The following ZMIZ1 variants were observed in gnomAD, a reference collection of about 807,000 sequenced individuals.
ZMIZ1 encodes zinc finger MIZ domain-containing protein 1.
ZMIZ1 carries 17 observed loss-of-function variants against 113.9 expected under a neutral mutation model. The ratio of observed to expected loss-of-function variants is 0.15; its 90% CI spans 0.10 to 0.22. ZMIZ1 has a LOEUF of 0.22. Among genes scored for constraint, ZMIZ1 ranks in the 10% least tolerant of loss-of-function variants. ZMIZ1 has a pLI of 1.00. For synonymous variants in ZMIZ1, 607 were observed against 603.1 expected, an observed-to-expected ratio of 1.01 and a Z score of -0.09; for missense variants, 1,059 against 1,477.8, an observed-to-expected ratio of 0.72 and a Z score of 4.65.
chr10:79,154,114 G>T (rs1224618206), intron 3 of ZMIZ1, among the ~76,000 whole-genome samples: 2 of 152,204 alleles, frequency 1.3e-5, no homozygotes, highest in African/African-American at 4.8e-5. Flanking sequence ...CCCCAGATGA[G>T]GAAACAGACT....
intron 1 of ZMIZ1, among the ~76,000 whole-genome samples, chr10:79,084,637 C>A (rs1842753367): frequency 6.6e-6 from 1 of 152,214 alleles, no homozygotes. Flanking sequence ...TCTGCTCTAA[C>A]GTTCTGTATC....
chr10:79,128,071 A>G lies in ZMIZ1; in HGVS notation c.-227+9047A>G, dbSNP rs574763426. ...GGAGGCATTGCATGCTCAGCTTCTG[A>G]GTCTAAAGAGGGGTCTCTGCAAGAC... On this transcript the variant is annotated intron_variant, in intron 2 of 24. Transcript: ENST00000334512. 9.9e-5 allele frequency among the ~76,000 whole-genome samples: 15 copies of G among 152,214 alleles called. No homozygotes were observed. The East Asian group carries it at 2.9e-3, about 29-fold the overall frequency.
At position 79,138,971 on chromosome 10, in the gene ZMIZ1, G is replaced by C. The variant is rs537172289; in HGVS notation, c.-226-711G>C. Among the ~76,000 whole-genome samples the C allele has an allele frequency of 2.6e-5, 4 of 152,290 alleles. No homozygotes were observed. In the South Asian group the frequency reaches 8.3e-4, roughly 32 times the overall value. On this transcript the variant is annotated intron_variant, in intron 2 of 24. Coordinates refer to ENST00000334512, the MANE Select transcript of ZMIZ1 (RefSeq NM_020338.4). ...CAGCTCAGACCAAGAATCCTAAAGA[G>C]CGTGGAGGAAGAGCTGAAGTTTGGG...
Position 79,299,100 on chromosome 10 carries a change from G to C in ZMIZ1, c.1717G>C (p.Val573Leu), listed in dbSNP as rs372665722. ...CACATTCCCTGTGCGGGATGGCGTG[G>C]TGCTGGAGCCCTTCCGCCTGGAGCA... Reference protein sequence around the residue: ...RLTFPVRDGVVLEPFRLEHNL... With the variant: ...RLTFPVRDGVLLEPFRLEHNL... The change falls in exon 16 of 25, where the codon GTG becomes CTG. Residue 573 changes from valine to leucine, a missense_variant. Transcript: ENST00000334512. 4.0e-5 allele frequency: 64 copies of C among 1,612,604 alleles called. No individual in the cohort carries two copies. Among genetic ancestry groups the C allele is most frequent in the Non-Finnish European group, 1.6e-5 (19 of 1,179,902 alleles).
Position 79,201,688 on chromosome 10 carries a change from A to G in ZMIZ1, c.56A>G (p.Lys19Arg). The G allele has an allele frequency of 6.2e-7, 1 of 1,613,166 alleles. No individual in the cohort carries two copies. The highest frequency in any genetic ancestry group is 8.5e-7 in the Non-Finnish European group (1 of 1,179,838). ...ACCAATGACCGACTGCAGTGCATCA[A>G]GCAGGTGGGTGTGGGGCAAGGCACA... ...QQTNDRLQCI[K>R]QHLQNPANFH... Residue 19 changes from lysine (K) to arginine (R), a missense_variant, in exon 5 of 25, where the codon AAG becomes AGG. Coordinates refer to ENST00000334512, the MANE Select transcript of ZMIZ1 (RefSeq NM_020338.4).
intron 1 of ZMIZ1, among the ~76,000 whole-genome samples, chr10:79,091,906 C>T (rs1842991591): frequency 6.6e-6 from 1 of 152,146 alleles, no homozygotes; most frequent in Admixed American, 6.5e-5. Context: ...GATTTAGTGA[C>T]AGGGAGCCAC....
At chr10:79,207,855 T>A (rs1848385293) in intron 5 of ZMIZ1, among the ~76,000 whole-genome samples, 1 of 151,782 alleles carries the variant, frequency 6.6e-6, no homozygotes, top group South Asian at 2.1e-4. Flanking sequence ...TGGCGGTGGC[T>A]GGGCAGTCAG....
intron 3 of ZMIZ1, among the ~76,000 whole-genome samples, chr10:79,144,398 G>A (rs1845401535): frequency 1.3e-5 from 2 of 152,120 alleles, no homozygotes; most frequent in Non-Finnish European, 2.9e-5. Flanking sequence ...CTCCCCACTG[G>A]CCCCATTTTG....
intron 4 of ZMIZ1, among the ~76,000 whole-genome samples, chr10:79,178,913 G>T (rs1846987729): frequency 6.6e-6 from 1 of 152,186 alleles, no homozygotes; most frequent in African/African-American, 2.4e-5. Flanking sequence ...CCAAGCCAGG[G>T]CCGCATGAAG....
At chr10:79,273,277 C>G (rs1030321724) in intron 7 of ZMIZ1, among the ~76,000 whole-genome samples, 4 of 152,208 alleles carry the variant, frequency 2.6e-5, no homozygotes, top group African/African-American at 4.8e-5. Context: ...TGCAGGCCCC[C>G]TCCTGACCCT....
chr10:79,286,398 G>A (rs1350160848), intron 8 of ZMIZ1, among the ~76,000 whole-genome samples: 5 of 152,250 alleles, frequency 3.3e-5, no homozygotes, highest in Non-Finnish European at 5.9e-5. Flanking sequence ...CCTTCTCTGC[G>A]ACAGCAGGAG....
intron 2 of ZMIZ1, among the ~76,000 whole-genome samples, chr10:79,136,683 T>C (rs1375110309): frequency 6.6e-6 from 1 of 152,238 alleles, no homozygotes; most frequent in African/African-American, 2.4e-5. Flanking sequence ...TCCTCATCTT[T>C]AAAAATTGGT....
intron 22 of ZMIZ1, among the ~76,000 whole-genome samples, chr10:79,306,788 C>T (rs905163567): frequency 4.6e-5 from 7 of 152,290 alleles, no homozygotes; most frequent in Admixed American, 4.6e-4. Flanking sequence ...CTGGAAAGTA[C>T]CCCCACTGGG....
chr10:79,230,412 GC>G (rs1849349445), intron 7 of ZMIZ1, among the ~76,000 whole-genome samples: 1 of 152,144 alleles, frequency 6.6e-6, no homozygotes, highest in African/African-American at 2.4e-5. Context: ...GTTTAGCTCT[GC>G]CCCCTCCTGA....
intron 3 of ZMIZ1, among the ~76,000 whole-genome samples, chr10:79,153,254 A>T (rs752938706): frequency 1.3e-5 from 2 of 152,218 alleles, no homozygotes; most frequent in Non-Finnish European, 2.9e-5. Context: ...GAACAGAATA[A>T]GGACCCTCCT....
chr10:79,103,470 T>C (rs1421895900), intron 1 of ZMIZ1, among the ~76,000 whole-genome samples: 2 of 149,824 alleles, frequency 1.3e-5, no homozygotes, highest in Non-Finnish European at 3.0e-5. Context: ...ATGGCTTGGT[T>C]GAGGGGGAGC....
At chr10:79,175,612 G>GTA (rs1564699251) in intron 4 of ZMIZ1, among the ~76,000 whole-genome samples, 5 of 125,188 alleles carry the variant, frequency 4.0e-5, no homozygotes, top group African/African-American at 1.9e-4. Context: ...GTGTGTGTGT[G>GTA]TGTGTGTGTG....
At chr10:79,261,314 C>T (rs1278773075) in intron 7 of ZMIZ1, among the ~76,000 whole-genome samples, 4 of 152,240 alleles carry the variant, frequency 2.6e-5, no homozygotes, top group Non-Finnish European at 1.5e-5. Flanking sequence ...TCCCTTCCCT[C>T]TCCCTACATT....
chr10:79,311,213 C>G, intron 24 of ZMIZ1, 29 bp downstream of exon 24: 6 of 1,369,422 alleles, frequency 4.4e-6, no homozygotes, highest in Non-Finnish European at 5.8e-6. Context: ...TCGCCTTGGC[C>G]TGGGGCTAGG....
Sources: allele counts gnomAD v4.1 joint callset (sites outside exome capture counted in the v4.1 genomes callset), GRCh38; gene constraint gnomAD v4.1.1; transcripts MANE v1.5; gene names NCBI Gene and HGNC (gene_info 2026-07-23, HGNC 2026-07-21).